ARHGEF7: variants seen among roughly 807,000 people sequenced by gnomAD.
ARHGEF7 encodes Rho guanine nucleotide exchange factor 7.
A neutral mutation model predicts 109.8 loss-of-function variants in ARHGEF7; 33 were observed. The observed-to-expected ratio is 0.30, with a 90% CI of 0.23 to 0.40. The LOEUF is 0.40. Ranked by LOEUF, ARHGEF7 falls within the 10% of genes least tolerant of loss-of-function variation. The pLI is 1.00. For missense variants in ARHGEF7, 938 were observed against 1,098.5 expected (o/e 0.85, Z 2.07); for synonymous variants, 458 against 424.6 (o/e 1.08, Z -0.97).
At chr13:111,269,593 C>G (rs1222830649) in intron 9 of ARHGEF7, among the ~76,000 whole-genome samples, 1 of 152,146 alleles carries the variant, frequency 6.6e-6, no homozygotes, top group South Asian at 2.1e-4. Flanking sequence ...CCAGGGCTGC[C>G]CAGAGAGTGG....
At chr13:111,293,480 G>A (rs1350850750) in intron 19 of ARHGEF7, 1 of 983,132 alleles carries the variant, frequency 1.0e-6, no homozygotes, top group African/African-American at 1.8e-5. Flanking sequence ...GGGATTTGTT[G>A]TAAGGAGTTT....
At chr13:111,225,939 A>C (rs1479041756) in intron 5 of ARHGEF7, among the ~76,000 whole-genome samples, 3 of 152,254 alleles carry the variant, frequency 2.0e-5, no homozygotes. Context: ...AGAAACGATT[A>C]ACCTTAGTGA....
intron 2 of ARHGEF7, among the ~76,000 whole-genome samples, chr13:111,171,841 TG>T (rs146178330): frequency 0.013 from 1,965 of 152,254 alleles, 39 homozygotes; most frequent in African/African-American, 0.045. Flanking sequence ...GGCTCATGAA[TG>T]GGGTTAGTGC....
chr13:111,156,108 T>C (rs547892810), intron 2 of ARHGEF7, among the ~76,000 whole-genome samples: 11 of 149,854 alleles, frequency 7.3e-5, no homozygotes, highest in South Asian at 4.2e-4. Flanking sequence ...AAAAAGTAAA[T>C]TGAATGTTAA....
intron 1 of ARHGEF7, among the ~76,000 whole-genome samples, chr13:111,146,946 A>G (rs2075624476): frequency 6.6e-6 from 1 of 152,238 alleles, no homozygotes; most frequent in Non-Finnish European, 1.5e-5. Context: ...TTCTGGGACT[A>G]TGTCTCTGCC....
chr13:111,275,482 A>C, intron 11 of ARHGEF7, 50 bp from the exon 12 acceptor site: 1 of 1,601,394 alleles, frequency 6.2e-7, no homozygotes, highest in Non-Finnish European at 8.5e-7. Flanking sequence ...GCCGGAACTT[A>C]ACATTCTGAA....
chr13:111,217,853 A>G lies in ARHGEF7; in HGVS notation c.643A>G (p.Asn215Asp). The change falls in exon 5 of 22, where the codon AAC becomes GAC. Residue 215 changes from asparagine (N) to aspartate (D), a missense_variant. By Grantham distance (23) the Asn-to-Asp change is conservative. Coordinates refer to ENST00000646102, the MANE Select transcript of ARHGEF7 (RefSeq NM_001354046.2). ...LNGRTGWFPS[N>D]YVREVKASEK... ...CGGCCGGACCGGCTGGTTCCCCAGCAACTACGTGCGCGAGGTCAAGGCCAG... is the reference window on the plus strand; with the variant it reads ...CGGCCGGACCGGCTGGTTCCCCAGCGACTACGTGCGCGAGGTCAAGGCCAG... 6.2e-7 allele frequency: 1 copy of G among 1,613,576 alleles called. No individual in the cohort carries two copies. Among genetic ancestry groups the G allele is most frequent in the Non-Finnish European group, 8.5e-7 (1 of 1,179,486 alleles).
intron 1 of ARHGEF7, among the ~76,000 whole-genome samples, chr13:111,117,453 T>C (rs1177585450): frequency 6.6e-6 from 1 of 152,208 alleles, no homozygotes; most frequent in African/African-American, 2.4e-5. Context: ...TGATTCCCCC[T>C]GAGCTCCAGT....
At chr13:111,188,594 CTT>C (rs1016976697) in intron 2 of ARHGEF7, among the ~76,000 whole-genome samples, 2 of 152,028 alleles carry the variant, frequency 1.3e-5, no homozygotes, top group African/African-American at 4.8e-5. Flanking sequence ...GTCTTTTTTT[CTT>C]GGAGATTTCT....
chr13:111,203,203 G>T (rs2153463045), intron 2 of ARHGEF7: 1 of 805,484 alleles, frequency 1.2e-6, no homozygotes, highest in Non-Finnish European at 1.7e-6. Flanking sequence ...AGAGCACTAA[G>T]ATTAGATCTG....
At chr13:111,142,828 C>T (rs558116862) in intron 1 of ARHGEF7, among the ~76,000 whole-genome samples, 163 of 152,364 alleles carry the variant, frequency 1.1e-3, no homozygotes, top group African/African-American at 3.7e-3. Context: ...AAATCCCCCA[C>T]AAGTTAACAT....
intron 2 of ARHGEF7, among the ~76,000 whole-genome samples, chr13:111,178,285 C>G (rs1294929382): frequency 6.6e-6 from 1 of 152,182 alleles, no homozygotes; most frequent in Non-Finnish European, 1.5e-5. Context: ...TGAGTAATTA[C>G]AAAAACACAA....
chr13:111,247,843 A>G (rs899027204), intron 8 of ARHGEF7, among the ~76,000 whole-genome samples: 20 of 152,088 alleles, frequency 1.3e-4, no homozygotes, highest in African/African-American at 4.6e-4. Flanking sequence ...CATACCTCAA[A>G]TATTTACTCC....
At chr13:111,294,727 T>C in intron 19 of ARHGEF7, 1 of 985,532 alleles carries the variant, frequency 1.0e-6, no homozygotes, top group Non-Finnish European at 1.2e-6. Context: ...ACTTCAGTCA[T>C]GCTGATAATA....
intron 4 of ARHGEF7, among the ~76,000 whole-genome samples, chr13:111,216,083 G>T (rs575105265): frequency 1.3e-5 from 2 of 152,084 alleles, no homozygotes; most frequent in South Asian, 4.2e-4. Context: ...ATTTCTTTAG[G>T]TTTATACTAG....
At chr13:111,152,970 C>T (rs567063176) in intron 1 of ARHGEF7, among the ~76,000 whole-genome samples, 1 of 152,334 alleles carries the variant, frequency 6.6e-6, no homozygotes, top group African/African-American at 2.4e-5. Context: ...CTGTAGGCGC[C>T]TTCCTGCGCT....
In ARHGEF7 at chr13:111,115,506, C is replaced by T. The variant is rs1010242321; in HGVS notation, c.-21C>T. 18 of 1,285,542 alleles carry T rather than the reference C, an allele frequency of 1.4e-5. No homozygotes were observed. The highest frequency in any genetic ancestry group is 1.8e-5 in the Non-Finnish European group (18 of 996,032). 79.6% of individuals were successfully genotyped at this position (1,285,542 alleles called of 1,614,324 possible). A position where few individuals can be genotyped will look rare whatever the true frequency, so the allele number is the denominator to read the frequency against. ...AGGTGAAGGCGCGCGCCCCTCCCCGCCTGCCTCCCGGGCCGCAGCGATGAA... is the reference window on the plus strand; with the variant it reads ...AGGTGAAGGCGCGCGCCCCTCCCCGTCTGCCTCCCGGGCCGCAGCGATGAA... On this transcript the variant is annotated 5_prime_UTR_variant, in exon 1 of 22. Transcript: ENST00000646102.
chr13:111,213,708 T>C (rs879892842), intron 4 of ARHGEF7, among the ~76,000 whole-genome samples: 1 of 152,178 alleles, frequency 6.6e-6, no homozygotes. Context: ...AGCTACAGTT[T>C]CAGGAGAGCT....
chr13:111,240,491 G>A (rs962967173), intron 6 of ARHGEF7, among the ~76,000 whole-genome samples: 18 of 152,288 alleles, frequency 1.2e-4, no homozygotes, highest in Admixed American at 7.2e-4. Flanking sequence ...ATTGTGACCC[G>A]TAGAGGAGCC....
Sources: allele counts gnomAD v4.1 joint callset (sites outside exome capture counted in the v4.1 genomes callset), GRCh38; gene constraint gnomAD v4.1.1; transcripts MANE v1.5; gene names NCBI Gene and HGNC (gene_info 2026-07-23, HGNC 2026-07-21).